The following ABCB1 variants were observed in gnomAD, a reference collection of about 807,000 sequenced individuals.
The protein encoded by ABCB1 is ATP binding cassette subfamily B member 1.
A neutral mutation model predicts 142.0 loss-of-function variants in ABCB1; 69 were observed. The observed-to-expected ratio is 0.49, with a 90% CI of 0.40 to 0.59. The LOEUF is 0.59. Ranked by LOEUF, ABCB1 falls within the 20% of genes least tolerant of loss-of-function variation. The pLI is 0.00. For missense variants in ABCB1, 1,326 were observed against 1,554.7 expected, an observed-to-expected ratio of 0.85 and a Z score of 2.47; for synonymous variants, 532 against 539.2, an observed-to-expected ratio of 0.99 and a Z score of 0.18.
At chr7:87,698,110 C>CT (rs201105691) in intron 1 of ABCB1, among the ~76,000 whole-genome samples, 1 of 152,120 alleles carries the variant, frequency 6.6e-6, no homozygotes, top group African/African-American at 2.4e-5. Context: ...TTTTTTATTG[C>CT]TTTTTTTGAG....
upstream of ABCB1, among the ~76,000 whole-genome samples, chr7:87,604,176 G>A (rs1186741080): frequency 6.6e-6 from 1 of 152,050 alleles, no homozygotes; most frequent in Non-Finnish European, 1.5e-5. Flanking sequence ...TCTTTTGGAT[G>A]TTTTTCTCAT....
chr7:87,640,633 C>T (rs1302837045), intron 1 of ABCB1, among the ~76,000 whole-genome samples: 3 of 152,188 alleles, frequency 2.0e-5, no homozygotes, highest in African/African-American at 7.2e-5. Flanking sequence ...GCATGAGCCA[C>T]CACGTGTGTC....
At chr7:87,553,734 G>T (rs1260045107) in intron 9 of ABCB1, 27 bp downstream of exon 9, 1 of 1,603,592 alleles carries the variant, frequency 6.2e-7, no homozygotes, top group East Asian at 2.2e-5. Flanking sequence ...TATAATAATG[G>T]TTCATTTCTC....
intron 26 of ABCB1, among the ~76,000 whole-genome samples, chr7:87,508,273 CAT>C (rs1814840438): frequency 1.3e-5 from 2 of 152,208 alleles, no homozygotes; most frequent in Admixed American, 1.3e-4. Flanking sequence ...CACATGATCT[CAT>C]GTGACAGGTC....
At chr7:87,608,501 G>A (rs899181184) in intron 1 of ABCB1, among the ~76,000 whole-genome samples, 9 of 152,260 alleles carry the variant, frequency 5.9e-5, no homozygotes, top group African/African-American at 2.2e-4. Context: ...CACATATTTG[G>A]TTGGAACAAT....
rs569047040 is a variant in ABCB1, at chr7:87,663,597, T to G, written c.-331+49564A>C. The stretch of plus-strand genomic sequence containing the variant: ...TTAATCTTTTAAAATACTGTATACT[T>G]TTCCACATTATTGCTTTTAAAAGCT... On this transcript the variant is annotated intron_variant, in intron 1 of 28. Transcript: ENST00000265724. Among the ~76,000 whole-genome samples the G allele has an allele frequency of 2.0e-5, 3 of 152,324 alleles. No homozygotes were observed. In the South Asian group the frequency reaches 6.2e-4, roughly 32 times the overall value.
chr7:87,657,568 T>A (rs1485356463), intron 1 of ABCB1, among the ~76,000 whole-genome samples: 1 of 152,086 alleles, frequency 6.6e-6, no homozygotes, highest in Non-Finnish European at 1.5e-5. Context: ...TCAAAAACTC[T>A]CTCTCTCTTC....
chr7:87,605,427 C>T (rs113886762), upstream of ABCB1, among the ~76,000 whole-genome samples: 3,698 of 152,300 alleles, frequency 0.024, 150 homozygotes, highest in African/African-American at 0.083. Flanking sequence ...AGCCACCACG[C>T]CCAGCCTCCT....
At chr7:87,572,489 A>T (rs923605973) in intron 4 of ABCB1, among the ~76,000 whole-genome samples, 1 of 152,234 alleles carries the variant, frequency 6.6e-6, no homozygotes, top group African/African-American at 2.4e-5. Context: ...CATAGAAAAC[A>T]AGTCTAGCAC....
intron 1 of ABCB1, among the ~76,000 whole-genome samples, chr7:87,630,172 T>C (rs1215480803): frequency 6.6e-6 from 1 of 152,232 alleles, no homozygotes; most frequent in African/African-American, 2.4e-5. Flanking sequence ...TTTCTTCCTT[T>C]GCAATTTCTC....
intron 1 of ABCB1, among the ~76,000 whole-genome samples, chr7:87,642,723 A>G (rs772663752): frequency 3.3e-5 from 5 of 152,002 alleles, no homozygotes; most frequent in Non-Finnish European, 7.4e-5. Context: ...TTATTTTAAG[A>G]GTGTGCTTCT....
chr7:87,648,008 C>G (rs1323436048), intron 1 of ABCB1, among the ~76,000 whole-genome samples: 1 of 151,716 alleles, frequency 6.6e-6, no homozygotes, highest in Non-Finnish European at 1.5e-5. Context: ...CATGGTGAAA[C>G]CCCGCCTCTA....
intron 1 of ABCB1, among the ~76,000 whole-genome samples, chr7:87,641,694 A>G (rs1822471773): frequency 6.6e-6 from 1 of 152,164 alleles, no homozygotes; most frequent in South Asian, 2.1e-4. Flanking sequence ...AATCCTCCAA[A>G]ATACATATTG....
chr7:87,692,325 C>T (rs1391397272), intron 1 of ABCB1, among the ~76,000 whole-genome samples: 2 of 152,104 alleles, frequency 1.3e-5, no homozygotes, highest in African/African-American at 2.4e-5. Flanking sequence ...AGCCTGGTGG[C>T]ACGCACCTGT....
chr7:87,623,514 C>T (rs534879535), intron 1 of ABCB1, among the ~76,000 whole-genome samples: 11 of 152,340 alleles, frequency 7.2e-5, no homozygotes, highest in South Asian at 2.1e-4. Flanking sequence ...GCACGCTTCG[C>T]GCTTCCTGGC....
intron 4 of ABCB1, among the ~76,000 whole-genome samples, chr7:87,578,692 C>CTTT (rs35471539): frequency 1.2e-4 from 12 of 102,636 alleles, no homozygotes; most frequent in South Asian, 3.7e-4. Flanking sequence ...AGACTACTTT[C>CTTT]TTTTTTTTTT....
chr7:87,541,542 C>T, intron 17 of ABCB1, 78 bp from the exon 18 acceptor site: 2 of 1,029,474 alleles, frequency 1.9e-6, no homozygotes, highest in Middle Eastern at 2.0e-4. Flanking sequence ...TCCCATCTGG[C>T]CCAGTATTCA....
chr7:87,603,507 C>T (rs1378465965), upstream of ABCB1, among the ~76,000 whole-genome samples: 1 of 152,162 alleles, frequency 6.6e-6, no homozygotes, highest in Non-Finnish European at 1.5e-5. Flanking sequence ...TGGCTCCCTG[C>T]CACAGACTAT....
intron 1 of ABCB1, among the ~76,000 whole-genome samples, chr7:87,609,243 C>T (rs192088798): frequency 1.5e-3 from 229 of 152,228 alleles, no homozygotes; most frequent in Non-Finnish European, 2.4e-3. Flanking sequence ...TGAGCCAAGA[C>T]GGGATAGAGC....
Sources: gnomAD v4.1 joint callset for allele counts (sites outside exome capture counted in the v4.1 genomes callset) on GRCh38, gnomAD v4.1.1 for gene constraint, MANE v1.5 for transcripts, NCBI Gene and HGNC (gene_info 2026-07-23, HGNC 2026-07-21) for gene names.